JAK2: variants seen among roughly 807,000 people sequenced by gnomAD.
The protein encoded by JAK2 is Janus kinase 2.
In JAK2, 86 loss-of-function variants were observed where a neutral mutation model predicts 139.3. That is an observed-to-expected ratio of 0.62 (90% CI 0.52 to 0.74). JAK2 has a LOEUF of 0.74. Ranked by LOEUF, JAK2 falls within the 30% of genes least tolerant of loss-of-function variation. The pLI, the probability that JAK2 is intolerant of heterozygous loss-of-function variation, is 0.00. For missense variants in JAK2, 1,421 were observed against 1,360.3 expected (o/e 1.04, Z -0.70); for synonymous variants, 490 against 437.7 (o/e 1.12, Z -1.49).
intron 22 of JAK2, among the ~76,000 whole-genome samples, chr9:5,101,598 AGCCT>A (rs1821493215): frequency 6.6e-6 from 1 of 152,244 alleles, no homozygotes; most frequent in African/African-American, 2.4e-5. Context: ...ATGCTTCTGT[AGCCT>A]AAGTGGGAGA....
At chr9:5,092,030 G>A (rs949148696) in intron 22 of JAK2, among the ~76,000 whole-genome samples, 1 of 151,972 alleles carries the variant, frequency 6.6e-6, no homozygotes, top group African/African-American at 2.4e-5. Context: ...AATTCGGAGA[G>A]GATTATCATT....
intron 14 of JAK2, among the ~76,000 whole-genome samples, chr9:5,075,013 T>C (rs1424654652): frequency 6.6e-6 from 1 of 152,234 alleles, no homozygotes; most frequent in Non-Finnish European, 1.5e-5. Context: ...GAGAAAGTTC[T>C]AGATAGAAGA....
At chr9:5,038,266 A>G (rs1816215402) in intron 4 of JAK2, among the ~76,000 whole-genome samples, 1 of 152,232 alleles carries the variant, frequency 6.6e-6, no homozygotes, top group East Asian at 1.9e-4. Context: ...GAAAGTTTGA[A>G]TAGGTCTATG....
intron 19 of JAK2, among the ~76,000 whole-genome samples, chr9:5,088,930 T>A (rs1418912510): frequency 6.6e-6 from 1 of 152,180 alleles, no homozygotes; most frequent in African/African-American, 2.4e-5. Flanking sequence ...ATTATATAAA[T>A]TTTGGGTAAG....
At chr9:5,055,850 A>G (rs572230728) in intron 8 of JAK2, 62 bp downstream of exon 8, 89 of 1,425,920 alleles carry the variant, frequency 6.2e-5, no homozygotes, top group Non-Finnish European at 8.4e-5. Context: ...TGTGTATTTT[A>G]GAATCTTAGT....
chr9:5,008,054 T>C (rs1448944488), intron 2 of JAK2, among the ~76,000 whole-genome samples: 1 of 152,174 alleles, frequency 6.6e-6, no homozygotes. Flanking sequence ...CTTATCAAAC[T>C]GTTTACACAG....
chr9:5,111,386 A>C lies in JAK2; in HGVS notation c.3060-11618A>C, dbSNP rs929270420. On this transcript the variant is annotated intron_variant, in intron 22 of 24. Coordinates refer to ENST00000381652, the MANE Select transcript of JAK2 (RefSeq NM_004972.4). ...CCTCCTACGCCAGCAGCTCTGGCGG[A>C]CAGAGGCGGACAGCGGCCTGGACAC... 6.2e-5 allele frequency: 23 copies of C among 370,430 alleles called. 1 individual carries two copies. Among genetic ancestry groups the C allele is most frequent in the Middle Eastern group, 7.4e-4 (1 of 1,348 alleles). The allele number at this position is 370,430 out of a possible 1,614,324, so 22.9% of individuals were successfully genotyped here.
chr9:5,093,063 TC>T (rs1272853137), intron 22 of JAK2, among the ~76,000 whole-genome samples: 3 of 152,160 alleles, frequency 2.0e-5, no homozygotes, highest in Admixed American at 6.5e-5. Flanking sequence ...ACTGGTCTAA[TC>T]TATTATTTAA....
chr9:5,011,832 T>C (rs990598109), intron 2 of JAK2, among the ~76,000 whole-genome samples: 12 of 152,226 alleles, frequency 7.9e-5, no homozygotes, highest in Non-Finnish European at 1.6e-4. Context: ...TTAGGCTTTG[T>C]TGGGACAGGT....
At chr9:5,042,944 G>C (rs944495013) in intron 4 of JAK2, among the ~76,000 whole-genome samples, 3 of 152,214 alleles carry the variant, frequency 2.0e-5, no homozygotes, top group African/African-American at 7.2e-5. Context: ...GCTTCTCGAG[G>C]CACCTGTTCC....
At chr9:5,009,166 G>T (rs1314788526) in intron 2 of JAK2, among the ~76,000 whole-genome samples, 1 of 152,192 alleles carries the variant, frequency 6.6e-6, no homozygotes, top group African/African-American at 2.4e-5. Context: ...TAACTGGAAT[G>T]GATGAGCAAA....
intron 22 of JAK2, chr9:5,110,780 G>C (rs538401769): frequency 7.6e-6 from 3 of 395,786 alleles, no homozygotes; most frequent in East Asian, 6.0e-5. Context: ...GGAGTGGTAA[G>C]GGCCCGGGCC....
Position 5,128,171 on chromosome 9 carries a change from G to A in JAK2, c.*1380G>A, listed in dbSNP as rs1318716159. ...TGCTGTTTTGATTAAAAAGAAAATA[G>A]TTTCTTACTTTATTTTTACTGGTAT... On this transcript the variant is annotated 3_prime_UTR_variant, in exon 25 of 25. Coordinates refer to ENST00000381652, the MANE Select transcript of JAK2 (RefSeq NM_004972.4). 4.3e-6 allele frequency: 1 copy of A among 230,092 alleles called. No individual in the cohort carries two copies. Among genetic ancestry groups the A allele is most frequent in the Non-Finnish European group, 8.6e-6 (1 of 116,472 alleles). The allele number at this position is 230,092 out of a possible 1,614,324, so 14.3% of individuals were successfully genotyped here.
chr9:5,038,015 C>T (rs761829739), intron 4 of JAK2, among the ~76,000 whole-genome samples: 11 of 152,018 alleles, frequency 7.2e-5, no homozygotes, highest in Admixed American at 1.3e-4. Flanking sequence ...GAATAATGAA[C>T]GAGATTGCTT....
At chr9:5,076,282 G>C (rs1198808988) in intron 14 of JAK2, among the ~76,000 whole-genome samples, 1 of 152,124 alleles carries the variant, frequency 6.6e-6, no homozygotes, top group African/African-American at 2.4e-5. Context: ...TTCTACTGTG[G>C]GTAGAAGGCT....
At chr9:5,070,777 A>C (rs1370458384) in intron 12 of JAK2, among the ~76,000 whole-genome samples, 1 of 152,078 alleles carries the variant, frequency 6.6e-6, no homozygotes, top group African/African-American at 2.4e-5. Flanking sequence ...TCAAGGGTCA[A>C]CTGTAGTACA....
At chr9:5,105,840 T>C (rs1475530519) in intron 22 of JAK2, among the ~76,000 whole-genome samples, 2 of 152,200 alleles carry the variant, frequency 1.3e-5, no homozygotes, top group African/African-American at 4.8e-5. Flanking sequence ...TAAATGGTGC[T>C]GGGAAAACTG....
chr9:5,104,491 G>A (rs982282945), intron 22 of JAK2, among the ~76,000 whole-genome samples: 6 of 152,188 alleles, frequency 3.9e-5, no homozygotes, highest in Non-Finnish European at 7.3e-5. Flanking sequence ...ACAAAGAGGA[G>A]CTGATACCAT....
In JAK2 at chr9:5,100,595, G is replaced by T. The variant is rs1231033742; in HGVS notation, c.3059+9684G>T. 3 of 152,170 alleles carry T rather than the reference G, an allele frequency of 2.0e-5. No homozygotes were observed. The East Asian group carries it at 5.8e-4, about 29-fold the overall frequency. 9.4% of individuals were successfully genotyped at this position (152,170 alleles called of 1,614,324 possible). Reference sequence around the variant, plus strand: ...TAGGAGGACACTGACCCCCCAACAGGCATTTTTCCCCTCAAACGCTTAGAA... The same window carrying T: ...TAGGAGGACACTGACCCCCCAACAGTCATTTTTCCCCTCAAACGCTTAGAA... On this transcript the variant is annotated intron_variant, in intron 22 of 24. Transcript: ENST00000381652.
Sources: gnomAD v4.1 joint callset for allele counts (sites outside exome capture counted in the v4.1 genomes callset) on GRCh38, gnomAD v4.1.1 for gene constraint, MANE v1.5 for transcripts, NCBI Gene and HGNC (gene_info 2026-07-23, HGNC 2026-07-21) for gene names.